The following GABRB3 variants were observed in gnomAD, a reference collection of about 807,000 sequenced individuals.
The protein encoded by GABRB3 is gamma-aminobutyric acid type A receptor subunit beta3, also known as gamma-aminobutyric acid receptor subunit beta-3.
GABRB3 carries 14 observed loss-of-function variants against 52.1 expected under a neutral mutation model. The observed-to-expected ratio is 0.27, with a 90% CI of 0.18 to 0.42. The LOEUF is 0.42. GABRB3 is among the 10% of genes least tolerant of loss of function. The pLI, the probability that GABRB3 is intolerant of heterozygous loss-of-function variation, is 1.00. For missense variants in GABRB3, 307 were observed against 609.1 expected (o/e 0.50, Z 5.22); for synonymous variants, 260 against 232.3 (o/e 1.12, Z -1.08).
At chr15:26,660,102 C>A (rs1018379557) in intron 3 of GABRB3, among the ~76,000 whole-genome samples, 1 of 151,950 alleles carries the variant, frequency 6.6e-6, no homozygotes, top group Non-Finnish European at 1.5e-5. Flanking sequence ...TGGTGGCACG[C>A]CCCTGTAATC....
chr15:26,654,673 A>G (rs1462253080), intron 3 of GABRB3, among the ~76,000 whole-genome samples: 1 of 152,122 alleles, frequency 6.6e-6, no homozygotes, highest in Non-Finnish European at 1.5e-5. Context: ...ACTTAAGAGA[A>G]GCATGTGAGA....
chr15:26,642,639 A>G, intron 3 of GABRB3: 2 of 501,784 alleles, frequency 4.0e-6, no homozygotes, highest in South Asian at 3.1e-5. Context: ...CTGCATATAT[A>G]AGCATATATG....
Position 26,717,120 on chromosome 15 carries a change from C to CACCCAAT in GABRB3, c.240+55281_240+55282insATTGGGT, listed in dbSNP as rs1200217287. On this transcript the variant is annotated intron_variant, in intron 3 of 8. Transcript: ENST00000311550. ...ATGACAGCCCAGTTCTGGGGACATCCGCCCAATGACAGCCCAGCTCTGAGG... is the reference window on the plus strand; with the variant it reads ...ATGACAGCCCAGTTCTGGGGACATCCACCCAATGCCCAATGACAGCCCAGCTCTGAGG... 2.3e-3 allele frequency among the ~76,000 whole-genome samples: 238 copies of CACCCAAT among 103,206 alleles called. 29 individuals are homozygous for CACCCAAT. The highest frequency in any genetic ancestry group is 3.4e-3 in the Non-Finnish European group (155 of 46,262). The allele number at this position is 103,206 out of a possible 152,430, so 67.7% of individuals were successfully genotyped here. A position where few individuals can be genotyped will look rare whatever the true frequency, so the allele number is the denominator to read the frequency against.
intron 5 of GABRB3, among the ~76,000 whole-genome samples, chr15:26,581,812 A>C (rs568658030): frequency 2.0e-4 from 31 of 152,284 alleles, no homozygotes; most frequent in South Asian, 8.3e-4. Flanking sequence ...CTTTTATCAG[A>C]CTTTACTTTC....
At chr15:26,692,327 G>A (rs1888612802) in intron 3 of GABRB3, among the ~76,000 whole-genome samples, 1 of 151,930 alleles carries the variant, frequency 6.6e-6, no homozygotes, top group African/African-American at 2.4e-5. Context: ...CAGATTGCAT[G>A]CAGGAGGAAG....
At chr15:26,603,749 A>C (rs1891670090) in intron 4 of GABRB3, among the ~76,000 whole-genome samples, 2 of 152,108 alleles carry the variant, frequency 1.3e-5, no homozygotes, top group African/African-American at 4.8e-5. Context: ...AAGCACTAAA[A>C]AAACTAAGAT....
chr15:26,627,162 C>T (rs527953252), intron 3 of GABRB3, among the ~76,000 whole-genome samples: 48 of 152,070 alleles, frequency 3.2e-4, no homozygotes, highest in Admixed American at 1.2e-3. Flanking sequence ...GGTGTCAACA[C>T]GTTTACAAAA....
intron 4 of GABRB3, chr15:26,614,723 A>G (rs1892194299): frequency 1.3e-5 from 2 of 152,204 alleles, no homozygotes; most frequent in Admixed American, 1.3e-4. Flanking sequence ...ATAAGATGCT[A>G]GTCAAACGAA....
At chr15:26,732,561 T>TC (rs973277759) in intron 3 of GABRB3, among the ~76,000 whole-genome samples, 12 of 132,778 alleles carry the variant, frequency 9.0e-5, no homozygotes, top group African/African-American at 3.0e-4. Context: ...GACCCCTTTC[T>TC]CCCAAAAAAA....
At chr15:26,631,305 C>G (rs1780688480) in intron 3 of GABRB3, among the ~76,000 whole-genome samples, 2 of 152,204 alleles carry the variant, frequency 1.3e-5, no homozygotes, top group Non-Finnish European at 2.9e-5. Context: ...AACAAAGTTT[C>G]TTCCTGCTTT....
chr15:26,768,056 G>A (rs1256301937), intron 3 of GABRB3, among the ~76,000 whole-genome samples: 1 of 152,050 alleles, frequency 6.6e-6, no homozygotes. Context: ...TGCAACAAGT[G>A]AGAAGTGCAC....
intron 3 of GABRB3, among the ~76,000 whole-genome samples, chr15:26,712,051 G>A (rs181671717): frequency 6.6e-6 from 1 of 152,270 alleles, no homozygotes; most frequent in African/African-American, 2.4e-5. Context: ...GGGCACAGAC[G>A]TCATGCACTG....
At chr15:26,624,753 T>C (rs1335609277) in intron 3 of GABRB3, 7 of 985,282 alleles carry the variant, frequency 7.1e-6, no homozygotes, top group Non-Finnish European at 8.4e-6. Context: ...CCTTTTTTTC[T>C]GGGATACTTA....
intron 3 of GABRB3, chr15:26,624,445 A>G (rs1486564526): frequency 3.0e-6 from 3 of 985,346 alleles, no homozygotes; most frequent in Non-Finnish European, 1.2e-6. Flanking sequence ...GGGCTCGCAC[A>G]TGGCTTGCCA....
intron 8 of GABRB3, chr15:26,557,941 T>C (rs978384106): frequency 7.9e-5 from 12 of 152,332 alleles, no homozygotes; most frequent in Admixed American, 6.5e-4. Flanking sequence ...CATAAAGGTA[T>C]TTCTGCAGCA....
chr15:26,739,233 G>A (rs1890141590), intron 3 of GABRB3, among the ~76,000 whole-genome samples: 1 of 151,882 alleles, frequency 6.6e-6, no homozygotes, highest in African/African-American at 2.4e-5. Context: ...ACTCAGTAAG[G>A]TCAGTGTCTA....
chr15:26,628,641 T>C (rs1455067079), intron 3 of GABRB3, among the ~76,000 whole-genome samples: 1 of 151,996 alleles, frequency 6.6e-6, no homozygotes, highest in African/African-American at 2.4e-5. Context: ...AAGCAGCTCC[T>C]GTTATCAACT....
intron 3 of GABRB3, among the ~76,000 whole-genome samples, chr15:26,724,732 A>C (rs79213164): frequency 1.3e-5 from 2 of 152,154 alleles, no homozygotes; most frequent in African/African-American, 4.8e-5. Flanking sequence ...GCACATGTGC[A>C]TGGTTCTCCT....
chr15:26,773,053 GCCGCCGCCGCGCTGGC>G, exon 1 of GABRB3: 1 of 1,077,110 alleles, frequency 9.3e-7, no homozygotes, highest in Non-Finnish European at 1.1e-6. Flanking sequence ...CGCCGCCGCC[GCCGCCGCCGCGCTGGC>G]CCGGAGCGGA....
Sources: gnomAD v4.1 joint callset for allele counts (sites outside exome capture counted in the v4.1 genomes callset) on GRCh38, gnomAD v4.1.1 for gene constraint, MANE v1.5 for transcripts, NCBI Gene and HGNC (gene_info 2026-07-23, HGNC 2026-07-21) for gene names.